Variants in PRKG1 observed in about 807,000 individuals in gnomAD.
PRKG1 encodes cGMP-dependent protein kinase 1.
A neutral mutation model predicts 88.1 loss-of-function variants in PRKG1; 35 were observed. The observed-to-expected ratio is 0.40, with a 90% CI of 0.30 to 0.53. The LOEUF (loss-of-function observed/expected upper bound fraction) is 0.53. Ranked by LOEUF, PRKG1 falls within the 20% of genes least tolerant of loss-of-function variation. PRKG1 has a pLI of 0.59. For synonymous variants in PRKG1, 303 were observed against 292.5 expected, an observed-to-expected ratio of 1.04 and a Z score of -0.37; for missense variants, 540 against 839.8, an observed-to-expected ratio of 0.64 and a Z score of 4.41.
Position 52,251,625 on chromosome 10 carries a change from A to G in PRKG1, c.1132A>G (p.Ile378Val). 4 of 1,613,620 alleles carry G rather than the reference A, an allele frequency of 2.5e-6. No individual in the cohort carries two copies. Among genetic ancestry groups the G allele is most frequent in the Non-Finnish European group, 3.4e-6 (4 of 1,179,656 alleles). The change falls in exon 10 of 18, where the codon ATT becomes GTT. Residue 378 changes from isoleucine to valine, a missense_variant. By Grantham distance (29) the Ile-to-Val change is conservative (BLOSUM62 3). This residue lies in a region of PRKG1 where 400 missense variants were observed against 562.7 expected (regional missense o/e 0.71). Transcript: ENST00000373980. Reference protein sequence around the residue: ...ANLKLSDFNIIDTLGVGGFGR... With the variant: ...ANLKLSDFNIVDTLGVGGFGR... ...CCTGAAGCTGTCTGATTTCAACATC[A>G]TTGATACCCTTGGAGTTGGAGGTTT...
rs765792966 is a variant in PRKG1, at chr10:51,737,740, A to ATTAATT, written c.593-66845_593-66844insTTAATT. On this transcript the variant is annotated intron_variant, in intron 3 of 17. Coordinates refer to ENST00000373980, the MANE Select transcript of PRKG1 (RefSeq NM_006258.4). ...TTATTTATTTATTTATTTATTTATT[A>ATTAATT]ATTATTATTATTATTATTATTATTA... is the stretch of plus-strand genomic sequence containing the variant. Among the ~76,000 whole-genome samples, 262 of 133,348 alleles carry ATTAATT rather than the reference A, an allele frequency of 2.0e-3. 1 individual carries two copies. The South Asian group carries it at 0.02, about 10-fold the overall frequency. 87.5% of individuals were successfully genotyped at this position (133,348 alleles called of 152,430 possible). A position where few individuals can be genotyped will look rare whatever the true frequency, so the allele number is the denominator to read the frequency against.
chr10:52,183,179 T>G (rs1839089129), intron 9 of PRKG1, among the ~76,000 whole-genome samples: 1 of 152,168 alleles, frequency 6.6e-6, no homozygotes, highest in Non-Finnish European at 1.5e-5. Flanking sequence ...GGAGGTCACA[T>G]TTCAACATAT....
chr10:51,955,673 A>G (rs1168584149), intron 5 of PRKG1, among the ~76,000 whole-genome samples: 3 of 152,144 alleles, frequency 2.0e-5, no homozygotes, highest in African/African-American at 7.2e-5. Flanking sequence ...GTCCAATACA[A>G]TCTTTTCTGC....
intron 7 of PRKG1, among the ~76,000 whole-genome samples, chr10:52,123,427 T>G (rs1011279764): frequency 6.6e-6 from 1 of 152,138 alleles, no homozygotes; most frequent in African/African-American, 2.4e-5. Context: ...GAGTCCATAT[T>G]ATTGATAAGA....
intron 2 of PRKG1, among the ~76,000 whole-genome samples, chr10:51,268,993 A>G (rs562451049): frequency 5.3e-5 from 8 of 152,082 alleles, no homozygotes; most frequent in Non-Finnish European, 8.8e-5. Context: ...TTCCTACAAC[A>G]CAGAATCTTC....
At chr10:51,904,997 A>C (rs1426917114) in intron 4 of PRKG1, among the ~76,000 whole-genome samples, 1 of 152,196 alleles carries the variant, frequency 6.6e-6, no homozygotes, top group Non-Finnish European at 1.5e-5. Context: ...AGCCAATTAT[A>C]ATAAAATGAG....
intron 2 of PRKG1, among the ~76,000 whole-genome samples, chr10:51,392,872 C>T (rs1386275127): frequency 7.1e-6 from 1 of 140,176 alleles, no homozygotes; most frequent in African/African-American, 2.8e-5. Context: ...ACCCCCCCAC[C>T]TCCCTCCCAG....
At chr10:51,015,435 G>T (rs1843045679) in intron 1 of PRKG1, among the ~76,000 whole-genome samples, 1 of 152,126 alleles carries the variant, frequency 6.6e-6, no homozygotes, top group Non-Finnish European at 1.5e-5. Flanking sequence ...AACTTTGAAG[G>T]CTAGTAGGAA....
At chr10:51,810,655 A>C (rs1839430011) in intron 4 of PRKG1, among the ~76,000 whole-genome samples, 1 of 152,206 alleles carries the variant, frequency 6.6e-6, no homozygotes, top group Admixed American at 6.5e-5. Flanking sequence ...ATATTGTTAA[A>C]TAAATGTGCT....
chr10:51,874,250 T>C (rs934369070), intron 4 of PRKG1, among the ~76,000 whole-genome samples: 20 of 152,360 alleles, frequency 1.3e-4, no homozygotes, highest in African/African-American at 4.8e-4. Flanking sequence ...TGTGTGCTTA[T>C]GAAATAACAT....
At chr10:51,270,351 C>G (rs867415113) in intron 2 of PRKG1, among the ~76,000 whole-genome samples, 1 of 152,084 alleles carries the variant, frequency 6.6e-6, no homozygotes, top group African/African-American at 2.4e-5. Flanking sequence ...TCTGATCATT[C>G]ATTTTGGATT....
chr10:51,858,946 T>C lies in PRKG1; in HGVS notation c.699-48561T>C, dbSNP rs367869373. 2.6e-5 allele frequency among the ~76,000 whole-genome samples: 4 copies of C among 152,126 alleles called. No homozygotes were observed. The East Asian group carries it at 7.7e-4, about 29-fold the overall frequency. Reference sequence around the variant, plus strand: ...GCCTTTAATATTCCTTTGATTTTTCTCCTTGCTTCCCAAGGAGCTGATATC... The same window carrying C: ...GCCTTTAATATTCCTTTGATTTTTCCCCTTGCTTCCCAAGGAGCTGATATC... On this transcript the variant is annotated intron_variant, in intron 4 of 17. Coordinates refer to ENST00000373980, the MANE Select transcript of PRKG1 (RefSeq NM_006258.4).
At chr10:51,999,345 G>C (rs1314984810) in intron 5 of PRKG1, among the ~76,000 whole-genome samples, 1 of 152,186 alleles carries the variant, frequency 6.6e-6, no homozygotes, top group African/African-American at 2.4e-5. Flanking sequence ...CTCACTATTA[G>C]AGAACAGACC....
intron 2 of PRKG1, among the ~76,000 whole-genome samples, chr10:51,221,337 A>C (rs1782448625): frequency 6.6e-6 from 1 of 152,240 alleles, no homozygotes; most frequent in South Asian, 2.1e-4. Context: ...AAGGGAGTTT[A>C]AATTATCTCT....
At chr10:52,136,013 G>A (rs1837406191) in intron 8 of PRKG1, among the ~76,000 whole-genome samples, 2 of 151,956 alleles carry the variant, frequency 1.3e-5, no homozygotes, top group South Asian at 2.1e-4. Context: ...GAAAGCAAGA[G>A]GATATTTCAT....
intron 3 of PRKG1, among the ~76,000 whole-genome samples, chr10:51,735,877 A>ATATATG (rs1554836797): frequency 8.6e-6 from 1 of 115,672 alleles, no homozygotes; most frequent in Non-Finnish European, 1.7e-5. Context: ...ATATATATAT[A>ATATATG]TATGTATATT....
chr10:51,896,666 A>G (rs1012116379), intron 4 of PRKG1, among the ~76,000 whole-genome samples: 22 of 150,510 alleles, frequency 1.5e-4, no homozygotes, highest in Admixed American at 4.6e-4. Context: ...AAAAAAAAAA[A>G]AAAAGAAAAG....
At chr10:51,318,783 GTTC>G (rs1387493921) in intron 2 of PRKG1, among the ~76,000 whole-genome samples, 2 of 152,218 alleles carry the variant, frequency 1.3e-5, no homozygotes, top group African/African-American at 2.4e-5. Flanking sequence ...TTTTGTGAAA[GTTC>G]TTCTCTGTGC....
intron 4 of PRKG1, among the ~76,000 whole-genome samples, chr10:51,876,959 C>A (rs991150066): frequency 6.6e-6 from 1 of 152,172 alleles, no homozygotes; most frequent in Non-Finnish European, 1.5e-5. Context: ...ACCTTTCCTT[C>A]CCTACCAATG....
Sources: allele counts gnomAD v4.1 joint callset (sites outside exome capture counted in the v4.1 genomes callset), GRCh38; gene constraint gnomAD v4.1.1; regional missense constraint gnomAD v4.1.1; transcripts MANE v1.5; gene names NCBI Gene and HGNC (gene_info 2026-07-23, HGNC 2026-07-21).